MUSK: variants seen among roughly 807,000 people sequenced by gnomAD.
The protein encoded by MUSK is muscle, skeletal receptor tyrosine-protein kinase.
A neutral mutation model predicts 88.7 loss-of-function variants in MUSK; 55 were observed. The ratio of observed to expected loss-of-function variants is 0.62; its 90% CI spans 0.50 to 0.78. MUSK has a LOEUF of 0.78. Ranked by LOEUF, MUSK falls within the 30% of genes least tolerant of loss-of-function variation. The pLI is 0.00. For missense variants in MUSK, 1,015 were observed against 1,074.3 expected, an observed-to-expected ratio of 0.94 and a Z score of 0.77; for synonymous variants, 387 against 391.9, an observed-to-expected ratio of 0.99 and a Z score of 0.15.
intron 5 of MUSK, among the ~76,000 whole-genome samples, chr9:110,699,879 G>A (rs1156519998): frequency 1.3e-5 from 2 of 152,156 alleles, no homozygotes; most frequent in Admixed American, 6.6e-5. Flanking sequence ...GGAAAAGATA[G>A]AGTTTTGTCA....
Position 110,699,423 on chromosome 9 carries a change from G to A in MUSK, c.628+1957G>A, listed in dbSNP as rs551996352. ...TGTGACATGCTTAGCACAATTGCTG[G>A]TACATAATAAGCATTTAATAAATGG... On this transcript the variant is annotated intron_variant, in intron 5 of 14. Coordinates refer to ENST00000374448, the MANE Select transcript of MUSK (RefSeq NM_005592.4). 1.7e-4 allele frequency among the ~76,000 whole-genome samples: 26 copies of A among 152,168 alleles called. No homozygotes were observed. The East Asian group carries it at 4.8e-3, about 28-fold the overall frequency.
At chr9:110,745,065 G>A (rs746098063) in intron 6 of MUSK, among the ~76,000 whole-genome samples, 29 of 152,322 alleles carry the variant, frequency 1.9e-4, no homozygotes, top group Non-Finnish European at 4.0e-4. Context: ...CCTGCTGTGC[G>A]TGAGTCACAA....
chr9:110,774,481 A>C (rs984209312), intron 9 of MUSK, among the ~76,000 whole-genome samples: 3 of 152,162 alleles, frequency 2.0e-5, no homozygotes, highest in Non-Finnish European at 2.9e-5. Context: ...AGAATAAAAA[A>C]ATTTCCCAGG....
intron 3 of MUSK, among the ~76,000 whole-genome samples, chr9:110,691,386 GTCTCAGTCTC>G (rs1008175742): frequency 9.2e-5 from 14 of 152,184 alleles, no homozygotes; most frequent in Non-Finnish European, 1.8e-4. Context: ...TAACAACAGT[GTCTCAGTCTC>G]TCTCATTCTC....
intron 7 of MUSK, among the ~76,000 whole-genome samples, chr9:110,760,415 A>G (rs2077381843): frequency 1.3e-5 from 2 of 152,180 alleles, no homozygotes; most frequent in Non-Finnish European, 1.5e-5. Context: ...TTGCAGGAAC[A>G]TGTATGGAAC....
intron 3 of MUSK, among the ~76,000 whole-genome samples, chr9:110,687,961 A>T (rs75971124): frequency 0.12 from 18,553 of 151,914 alleles, 1,453 homozygotes; most frequent in Non-Finnish European, 0.17. Context: ...CCTTATTTCA[A>T]ATTTGATATT....
intron 5 of MUSK, among the ~76,000 whole-genome samples, chr9:110,697,733 C>A (rs2076452308): frequency 6.6e-6 from 1 of 152,066 alleles, no homozygotes; most frequent in African/African-American, 2.4e-5. Flanking sequence ...TTTACTGTAA[C>A]AGTAAAATAA....
At chr9:110,753,971 C>G (rs150024659) in intron 7 of MUSK, among the ~76,000 whole-genome samples, 47 of 152,264 alleles carry the variant, frequency 3.1e-4, no homozygotes, top group African/African-American at 1.1e-3. Flanking sequence ...TGTTTCCTCC[C>G]AATGTTGGAG....
At chr9:110,800,213 A>T (rs1564299891) in intron 14 of MUSK, 93 bp from the exon 15 acceptor site, 20 of 1,145,824 alleles carry the variant, frequency 1.7e-5, no homozygotes, top group Non-Finnish European at 2.5e-5. Context: ...ACAGGGCTTC[A>T]TATGTTCTGA....
At chr9:110,698,679 A>C (rs1165932023) in intron 5 of MUSK, among the ~76,000 whole-genome samples, 1 of 152,152 alleles carries the variant, frequency 6.6e-6, no homozygotes, top group African/African-American at 2.4e-5. Flanking sequence ...TAAAATTTTC[A>C]TTAATTCCTC....
chr9:110,775,627 GTC>G, intron 9 of MUSK, 159 bp from the exon 10 acceptor site: 1 of 663,136 alleles, frequency 1.5e-6, no homozygotes, highest in Non-Finnish European at 2.7e-6. Context: ...ATTTCATGAG[GTC>G]TCATATTATT....
chr9:110,683,415 A>C (rs2076157153), intron 2 of MUSK, among the ~76,000 whole-genome samples: 1 of 152,132 alleles, frequency 6.6e-6, no homozygotes, highest in African/African-American at 2.4e-5. Context: ...AATCTTAGTT[A>C]CTGAAAACAG....
At chr9:110,669,510 C>G (rs557050811) in intron 1 of MUSK, among the ~76,000 whole-genome samples, 22 of 152,216 alleles carry the variant, frequency 1.4e-4, no homozygotes, top group Admixed American at 5.2e-4. Context: ...GTGTAACAAA[C>G]CCGGAAGACA....
At chr9:110,672,210 C>T (rs929732463) in intron 1 of MUSK, among the ~76,000 whole-genome samples, 11 of 152,142 alleles carry the variant, frequency 7.2e-5, no homozygotes, top group Admixed American at 1.3e-4. Flanking sequence ...TAAACTCTAC[C>T]TTATTTCCAA....
chr9:110,737,292 A>G (rs2077041976), intron 6 of MUSK, among the ~76,000 whole-genome samples: 1 of 151,752 alleles, frequency 6.6e-6, no homozygotes, highest in Non-Finnish European at 1.5e-5. Context: ...TATGAGGTTA[A>G]GAAAATGTAT....
At position 110,803,673 on chromosome 9, in the gene MUSK, A is replaced by G. The variant is rs1050851023; in HGVS notation, c.*2685A>G. Among the ~76,000 whole-genome samples, 13 of 152,252 alleles carry G rather than the reference A, an allele frequency of 8.5e-5. No homozygotes were observed. Among genetic ancestry groups the G allele is most frequent in the African/African-American group, 3.1e-4 (13 of 41,468 alleles). ...ATTTCAGCATTATCAATTTAAGTTA[A>G]TCATAACATCTAATAGGTGACATGT... On this transcript the variant is annotated 3_prime_UTR_variant, in exon 15 of 15. Coordinates refer to ENST00000374448, the MANE Select transcript of MUSK (RefSeq NM_005592.4).
intron 5 of MUSK, among the ~76,000 whole-genome samples, chr9:110,730,792 A>G (rs974359366): frequency 6.6e-6 from 1 of 152,122 alleles, no homozygotes; most frequent in African/African-American, 2.4e-5. Flanking sequence ...GGGTAAAAAC[A>G]TATCAGCTTT....
At chr9:110,709,906 A>G (rs2076646583) in intron 5 of MUSK, among the ~76,000 whole-genome samples, 1 of 152,178 alleles carries the variant, frequency 6.6e-6, no homozygotes, top group Non-Finnish European at 1.5e-5. Flanking sequence ...GCCCTTTGGG[A>G]GGCTGAGGCA....
chr9:110,802,481 C>T lies in MUSK; in HGVS notation c.*1493C>T, dbSNP rs989568989. ...GTGTGAATTCTTGAAAGTAGATTTT[C>T]GCTGTCTGCTGGAAAACTCTGCCTG... On this transcript the variant is annotated 3_prime_UTR_variant, in exon 15 of 15. Coordinates refer to ENST00000374448, the MANE Select transcript of MUSK (RefSeq NM_005592.4). Among the ~76,000 whole-genome samples, 4 of 152,272 alleles carry T rather than the reference C, an allele frequency of 2.6e-5. No individual in the cohort carries two copies. The highest frequency in any genetic ancestry group is 3.9e-4 in the East Asian group (2 of 5,170).
Sources: gnomAD v4.1 joint callset for allele counts (sites outside exome capture counted in the v4.1 genomes callset) on GRCh38, gnomAD v4.1.1 for gene constraint, MANE v1.5 for transcripts, NCBI Gene and HGNC (gene_info 2026-07-23, HGNC 2026-07-21) for gene names.